The following TP73 variants were observed in gnomAD, a reference collection of about 807,000 sequenced individuals.
TP73 encodes tumor protein p73.
In TP73, 25 loss-of-function variants were observed where a neutral mutation model predicts 62.5. That is an observed-to-expected ratio of 0.40 (90% CI 0.29 to 0.56). The LOEUF (loss-of-function observed/expected upper bound fraction) is 0.56, where lower values mean the gene tolerates loss of function less well. Ranked by LOEUF, TP73 falls within the 20% of genes least tolerant of loss-of-function variation. The pLI is 0.46. For missense variants in TP73, 754 were observed against 913.3 expected, an observed-to-expected ratio of 0.83 and a Z score of 2.25; for synonymous variants, 423 against 377.5, an observed-to-expected ratio of 1.12 and a Z score of -1.40.
intron 3 of TP73, among the ~76,000 whole-genome samples, chr1:3,688,538 G>A (rs1022773854): frequency 6.6e-6 from 1 of 152,186 alleles, no homozygotes; most frequent in African/African-American, 2.4e-5. Flanking sequence ...TCCCCGGTGA[G>A]TCAGAAGCAG....
chr1:3,718,736 C>A (rs886133035), intron 4 of TP73, among the ~76,000 whole-genome samples: 2 of 152,204 alleles, frequency 1.3e-5, no homozygotes, highest in Non-Finnish European at 2.9e-5. Flanking sequence ...TCCCCTCCCC[C>A]TGAGTGTCTG....
chr1:3,669,228 C>T (rs1423013792), intron 1 of TP73, among the ~76,000 whole-genome samples: 1 of 152,218 alleles, frequency 6.6e-6, no homozygotes, highest in African/African-American at 2.4e-5. Context: ...TCCTTGCCAC[C>T]GTGGGTGCAG....
intron 1 of TP73, among the ~76,000 whole-genome samples, chr1:3,657,555 G>T (rs1197025349): frequency 6.6e-6 from 1 of 152,192 alleles, no homozygotes; most frequent in African/African-American, 2.4e-5. Flanking sequence ...CACTAGAGTG[G>T]CTATGTTTCA....
intron 4 of TP73, among the ~76,000 whole-genome samples, chr1:3,715,062 T>A (rs1640480467): frequency 2.0e-5 from 3 of 152,224 alleles, no homozygotes; most frequent in East Asian, 1.9e-4. Flanking sequence ...GGCAGCAAAG[T>A]GGAGGCTGGA....
rs771056792 is a variant in TP73, at chr1:3,722,028, C to T, written c.437C>T (p.Pro146Leu). The change falls in exon 5 of 14, where the codon CCG becomes CTG. Residue 146 changes from proline (P) to leucine (L), a missense_variant. Coordinates refer to ENST00000378295, the MANE Select transcript of TP73 (RefSeq NM_005427.4). ...TAKSATWTYSPLLKKLYCQIA... is the reference protein window; with the variant it reads ...TAKSATWTYSLLLKKLYCQIA... ...CCCTCTCCCCCACTCCAGTACTCCCCGCTCTTGAAGAAACTCTACTGCCAG... is the reference window on the plus strand; with the variant it reads ...CCCTCTCCCCCACTCCAGTACTCCCTGCTCTTGAAGAAACTCTACTGCCAG... 13 of 1,608,198 alleles carry T rather than the reference C, an allele frequency of 8.1e-6. No homozygotes were observed. The highest frequency in any genetic ancestry group is 2.2e-5 in the East Asian group (1 of 44,776).
rs1273211663 is a variant in TP73 at position 3,679,776 on chromosome 1, GTC to G, written c.-33-2551_-33-2550del. 3.6e-5 allele frequency among the ~76,000 whole-genome samples: 5 copies of G among 139,446 alleles called. No homozygotes were observed. In the East Asian group the frequency reaches 1.1e-3, roughly 30 times the overall value. 91.5% of individuals were successfully genotyped at this position (139,446 alleles called of 152,430 possible). On this transcript the variant is annotated intron_variant, in intron 1 of 13. Transcript: ENST00000378295. ...TCTCTCTCCGTCTCTCTTTGTCCTT[GTC>G]TCTCTGTTTTGTCTCTCTTTGTCCC...
chr1:3,669,264 G>A (rs1645188304), intron 1 of TP73, among the ~76,000 whole-genome samples: 3 of 152,334 alleles, frequency 2.0e-5, no homozygotes, highest in African/African-American at 7.2e-5. Context: ...ACCCTGGGGT[G>A]CAGAGAGCCC....
At chr1:3,658,153 T>G (rs1644906323) in intron 1 of TP73, among the ~76,000 whole-genome samples, 1 of 152,180 alleles carries the variant, frequency 6.6e-6, no homozygotes, top group African/African-American at 2.4e-5. Flanking sequence ...AAGGCAGGTC[T>G]CATGGAGCAG....
chr1:3,677,506 T>C (rs1645399396), intron 1 of TP73, among the ~76,000 whole-genome samples: 1 of 152,118 alleles, frequency 6.6e-6, no homozygotes. Flanking sequence ...AGCACAACTG[T>C]CCTTTGCAAC....
Position 3,733,172 on chromosome 1 carries a change from G to GTTTT in TP73, c.*93_*94insTTTT. ...GTGTCCAAAACTGCCTCAGGAGGCAGGACCTTCGGGCTGTGCCCGGGGAAA... is the reference window on the plus strand; with the variant it reads ...GTGTCCAAAACTGCCTCAGGAGGCAGTTTTGACCTTCGGGCTGTGCCCGGGGAAA... On this transcript the variant is annotated 3_prime_UTR_variant, in exon 14 of 14. Coordinates refer to ENST00000378295, the MANE Select transcript of TP73 (RefSeq NM_005427.4). The GTTTT allele has an allele frequency of 7.3e-7, 1 of 1,371,818 alleles. No individual in the cohort carries two copies. The highest frequency in any genetic ancestry group is 9.7e-7 in the Non-Finnish European group (1 of 1,028,170). 85.0% of individuals were successfully genotyped at this position (1,371,818 alleles called of 1,614,324 possible).
intron 1 of TP73, among the ~76,000 whole-genome samples, chr1:3,673,315 C>T (rs1557495187): frequency 6.6e-6 from 1 of 152,204 alleles, no homozygotes; most frequent in South Asian, 2.1e-4. Flanking sequence ...GCAGTTCTGT[C>T]GCTCAGCCTG....
chr1:3,686,056 C>T (rs963658131), intron 3 of TP73, among the ~76,000 whole-genome samples: 11 of 152,218 alleles, frequency 7.2e-5, no homozygotes, highest in African/African-American at 2.4e-4. Flanking sequence ...TGGCTGCACA[C>T]GCACCTGCCC....
At chr1:3,655,570 C>T (rs1644848773) in intron 1 of TP73, among the ~76,000 whole-genome samples, 1 of 152,184 alleles carries the variant, frequency 6.6e-6, no homozygotes, top group East Asian at 1.9e-4. Context: ...TACTAAATGA[C>T]AATAACGCCT....
At chr1:3,689,566 C>T (rs923374203) in intron 3 of TP73, among the ~76,000 whole-genome samples, 4 of 152,084 alleles carry the variant, frequency 2.6e-5, no homozygotes, top group African/African-American at 9.7e-5. Context: ...CTCCCCTGCC[C>T]TCACCCAGCT....
At chr1:3,665,408 C>T (rs779871309) in intron 1 of TP73, among the ~76,000 whole-genome samples, 2 of 152,086 alleles carry the variant, frequency 1.3e-5, no homozygotes, top group Admixed American at 6.6e-5. Context: ...CAAAATACAC[C>T]GTTGTAAGAT....
chr1:3,728,644 A>G (rs79372369), intron 9 of TP73, among the ~76,000 whole-genome samples: 5,445 of 152,308 alleles, frequency 0.036, 238 homozygotes, highest in East Asian at 0.22. Context: ...GCTGGGAGTC[A>G]TCTTCCATGA....
chr1:3,729,259 G>A, intron 9 of TP73, 68 bp from the exon 10 acceptor site: 4 of 1,601,854 alleles, frequency 2.5e-6, no homozygotes, highest in Non-Finnish European at 3.4e-6. Flanking sequence ...GTCCTCCTGA[G>A]GCTGCGGCCA....
At chr1:3,713,215 T>G (rs1311310695) in intron 4 of TP73, among the ~76,000 whole-genome samples, 1 of 152,156 alleles carries the variant, frequency 6.6e-6, no homozygotes. Flanking sequence ...CAAAGGAAAA[T>G]CCCTCAAGAA....
At chr1:3,710,741 GCA>G (rs201364887) in intron 4 of TP73, among the ~76,000 whole-genome samples, 1,796 of 152,300 alleles carry the variant, frequency 0.012, 29 homozygotes, top group African/African-American at 0.04. Flanking sequence ...ACACGCATGT[GCA>G]CACACACAGA....
Sources: allele counts gnomAD v4.1 joint callset (sites outside exome capture counted in the v4.1 genomes callset), GRCh38; gene constraint gnomAD v4.1.1; transcripts MANE v1.5; gene names NCBI Gene and HGNC (gene_info 2026-07-23, HGNC 2026-07-21).